The following AR variants were observed in gnomAD, a reference collection of about 807,000 sequenced individuals.
AR encodes dihydrotestosterone receptor.
Under a neutral mutation model 53.9 loss-of-function variants are expected in AR, and 8 were observed. The ratio of observed to expected loss-of-function variants is 0.15; its 90% CI spans 0.09 to 0.27. The LOEUF is 0.27. AR is among the 10% of genes least tolerant of loss of function. The probability of loss-of-function intolerance (pLI) is 1.00; values close to 1 mark genes in which losing one functional copy is unlikely to be tolerated. For synonymous variants in AR, 359 were observed against 316.4 expected, an observed-to-expected ratio of 1.13 and a Z score of -1.43; for missense variants, 639 against 742.5, an observed-to-expected ratio of 0.86 and a Z score of 1.62.
chrX:67,662,356 G>T lies in AR; in HGVS notation c.1768+18949G>T, dbSNP rs961878749. On this transcript the variant is annotated intron_variant, in intron 2 of 7. Transcript: ENST00000374690. The stretch of plus-strand genomic sequence containing the variant: ...TGCTATAAATTTCCCTCTCCACACT[G>T]CTTTGAATGTGTCCCAGAGATTCTG... Among the ~76,000 whole-genome samples, 36 of 110,180 alleles carry T rather than the reference G, an allele frequency of 3.3e-4. 1 individual carries two copies. The highest frequency in any genetic ancestry group is 5.8e-4 in the Admixed American group (6 of 10,281).
At chrX:67,643,493 T>C (rs2147437170) in intron 2 of AR, 86 bp downstream of exon 2, 1 of 1,111,226 alleles carries the variant, frequency 9.0e-7, no homozygotes. Context: ...CCCAGGATTT[T>C]ATCATCTCAG....
intron 7 of AR, among the ~76,000 whole-genome samples, chrX:67,723,254 A>C (rs192610475): frequency 1.9e-5 from 2 of 106,827 alleles, no homozygotes; most frequent in African/African-American, 6.8e-5. Context: ...AGGCAGACAA[A>C]ACAGACCTGG....
chrX:67,585,277 G>A (rs1054791444), intron 1 of AR, among the ~76,000 whole-genome samples: 7 of 97,983 alleles, frequency 7.1e-5, no homozygotes, highest in Admixed American at 3.3e-4. Context: ...AAAAAAAAAA[G>A]AGTTGATAGC....
In AR at chrX:67,728,133, G is replaced by A. The variant is rs1415509083; in HGVS notation, c.*4292G>A. 1.2e-5 allele frequency: 2 copies of A among 171,012 alleles called. No homozygotes were observed. Among genetic ancestry groups the A allele is most frequent in the African/African-American group, 3.0e-5 (1 of 33,445 alleles). The allele number at this position is 171,012 out of a possible 1,213,427, so 14.1% of individuals were successfully genotyped here. A position where few individuals can be genotyped will look rare whatever the true frequency, so the allele number is the denominator to read the frequency against. On this transcript the variant is annotated 3_prime_UTR_variant, in exon 8 of 8. Coordinates refer to ENST00000374690, the MANE Select transcript of AR (RefSeq NM_000044.6). ...CTCTTTGATAAGCTGTCCAAAGACA[G>A]ACTAAAGGACTCTGCTGGTGACTGA... is the stretch of plus-strand genomic sequence containing the variant.
chrX:67,664,750 G>A (rs1351194582), intron 2 of AR, among the ~76,000 whole-genome samples: 1 of 112,594 alleles, frequency 8.9e-6, no homozygotes, highest in African/African-American at 3.2e-5. Flanking sequence ...TCCTTGAGCT[G>A]TGGTGGGCTC....
intron 3 of AR, among the ~76,000 whole-genome samples, chrX:67,690,580 A>T (rs955451164): frequency 8.9e-6 from 1 of 111,973 alleles, no homozygotes; most frequent in African/African-American, 3.2e-5. Context: ...GCCAGCCAAG[A>T]AGTTCACGCT....
At chrX:67,692,080 AC>A (rs1348534917) in intron 3 of AR, among the ~76,000 whole-genome samples, 2 of 112,091 alleles carry the variant, frequency 1.8e-5, no homozygotes, top group Non-Finnish European at 3.8e-5. Context: ...TTTACTCAGA[AC>A]CCCATCACAG....
At chrX:67,614,566 G>A (rs1374819347) in intron 1 of AR, among the ~76,000 whole-genome samples, 1 of 110,744 alleles carries the variant, frequency 9.0e-6, no homozygotes, top group Non-Finnish European at 1.9e-5. Context: ...ACAAACAAAC[G>A]ACTAAGCAAA....
chrX:67,603,690 A>T (rs1923485837), intron 1 of AR, among the ~76,000 whole-genome samples: 1 of 111,984 alleles, frequency 8.9e-6, no homozygotes, highest in South Asian at 3.8e-4. Context: ...AGGAGTTTAG[A>T]CATTAACATT....
intron 1 of AR, among the ~76,000 whole-genome samples, chrX:67,639,402 T>G (rs1925626816): frequency 8.9e-6 from 1 of 111,828 alleles, no homozygotes; most frequent in South Asian, 3.7e-4. Flanking sequence ...TGTAAAACAC[T>G]TTGGGCAGTT....
chrX:67,635,553 A>T (rs1411854257), intron 1 of AR, among the ~76,000 whole-genome samples: 1 of 110,956 alleles, frequency 9.0e-6, no homozygotes, highest in Non-Finnish European at 1.9e-5. Flanking sequence ...GGAGGAGCAG[A>T]GGAGAGGAGA....
chrX:67,683,390 T>C (rs2075947398), intron 2 of AR, among the ~76,000 whole-genome samples: 1 of 110,469 alleles, frequency 9.1e-6, no homozygotes, highest in Non-Finnish European at 1.9e-5. Flanking sequence ...ACTTAAGTCC[T>C]TTACATTAAA....
At chrX:67,578,039 A>T (rs1372014367) in intron 1 of AR, among the ~76,000 whole-genome samples, 1 of 111,536 alleles carries the variant, frequency 9.0e-6, no homozygotes. Flanking sequence ...CAAGAACAGA[A>T]ATTTGTCAGA....
At chrX:67,621,962 G>A (rs879038492) in intron 1 of AR, among the ~76,000 whole-genome samples, 2 of 111,645 alleles carry the variant, frequency 1.8e-5, no homozygotes, top group African/African-American at 6.5e-5. Flanking sequence ...CCCTGGCTCT[G>A]TTACTTACTA....
rs1230215817 is a variant in AR, at chrX:67,711,464, A to G, written c.1948A>G (p.Thr650Ala). Reference sequence around the variant, plus strand: ...GGAGGAAGGAGAGGCTTCCAGCACCACCAGCCCCACTGAGGAGACAACCCA... The same window carrying G: ...GGAGGAAGGAGAGGCTTCCAGCACCGCCAGCCCCACTGAGGAGACAACCCA... ...LQEEGEASST[T>A]SPTEETTQKL... The change falls in exon 4 of 8, where the codon ACC becomes GCC. Residue 650 changes from threonine (T) to alanine (A), a missense_variant. Physicochemically the swap from Thr to Ala is moderately conservative, Grantham distance 58. Coordinates refer to ENST00000374690, the MANE Select transcript of AR (RefSeq NM_000044.6). 3.3e-6 allele frequency: 4 copies of G among 1,207,211 alleles called. No homozygotes were observed. In the South Asian group the frequency reaches 7.2e-5, roughly 22 times the overall value.
intron 1 of AR, among the ~76,000 whole-genome samples, chrX:67,595,616 G>A (rs1376864913): frequency 1.0e-5 from 1 of 100,019 alleles, no homozygotes; most frequent in Non-Finnish European, 2.0e-5. Context: ...ATTTGTCAAT[G>A]GATTTCACAT....
intron 2 of AR, among the ~76,000 whole-genome samples, chrX:67,657,441 C>T (rs1926646316): frequency 9.0e-6 from 1 of 111,454 alleles, no homozygotes; most frequent in African/African-American, 3.3e-5. Flanking sequence ...CTCCTGTACT[C>T]CACATCACTT....
At chrX:67,648,751 T>G (rs1300097932) in intron 2 of AR, among the ~76,000 whole-genome samples, 1 of 112,293 alleles carries the variant, frequency 8.9e-6, no homozygotes, top group East Asian at 2.8e-4. Context: ...AATAAGAAGT[T>G]GCCATAGCAC....
At chrX:67,615,966 A>G (rs1052238440) in intron 1 of AR, among the ~76,000 whole-genome samples, 2 of 111,564 alleles carry the variant, frequency 1.8e-5, no homozygotes, top group African/African-American at 3.3e-5. Context: ...TTAGTAATAA[A>G]CATAGACAAA....
Sources: allele counts gnomAD v4.1 joint callset (sites outside exome capture counted in the v4.1 genomes callset), GRCh38; gene constraint gnomAD v4.1.1; transcripts MANE v1.5; gene names NCBI Gene and HGNC (gene_info 2026-07-23, HGNC 2026-07-21).